NMBR: variants seen among roughly 807,000 people sequenced by gnomAD.
NMBR encodes neuromedin-B receptor.
Under a neutral mutation model 20.5 loss-of-function variants are expected in NMBR, and 16 were observed. That is an observed-to-expected ratio of 0.78 (90% confidence interval 0.53 to 1.19). NMBR has a LOEUF of 1.19. Among genes scored for constraint, NMBR ranks in the 50% most tolerant of loss-of-function variants. The pLI, the probability that NMBR is intolerant of heterozygous loss-of-function variation, is 0.00. For synonymous variants in NMBR, 212 were observed against 196.6 expected, an observed-to-expected ratio of 1.08 and a Z score of -0.65; for missense variants, 582 against 499.1, an observed-to-expected ratio of 1.17 and a Z score of -1.58.
chr6:142,108,575 T>A (rs1238885712), intron 1 of NMBR, among the ~76,000 whole-genome samples: 1 of 152,070 alleles, frequency 6.6e-6, no homozygotes, highest in Admixed American at 6.6e-5. Context: ...AAAAGCCCCT[T>A]ATAAAACCAT....
intron 1 of NMBR, among the ~76,000 whole-genome samples, chr6:142,093,153 TC>T (rs1447756988): frequency 6.6e-6 from 1 of 152,012 alleles, no homozygotes; most frequent in African/African-American, 2.4e-5. Flanking sequence ...GAATTTTTTT[TC>T]TTTTTTTTTA....
intron 1 of NMBR, among the ~76,000 whole-genome samples, chr6:142,102,389 CAAA>C (rs534698007): frequency 5.2e-5 from 4 of 76,456 alleles, no homozygotes; most frequent in Admixed American, 1.6e-4. Flanking sequence ...CACTCTGTCT[CAAA>C]AAAAAAAAAA....
intron 1 of NMBR, among the ~76,000 whole-genome samples, chr6:142,098,817 C>T (rs9496268): frequency 0.64 from 97,845 of 152,044 alleles, 33,345 homozygotes; most frequent in East Asian, 0.87. Flanking sequence ...ATCAGCAAAG[C>T]GATGATAACA....
intron 1 of NMBR, among the ~76,000 whole-genome samples, chr6:142,105,070 G>T (rs1777634974): frequency 6.6e-6 from 1 of 151,874 alleles, no homozygotes; most frequent in Non-Finnish European, 1.5e-5. Flanking sequence ...CCTTCTCAAG[G>T]GTGGAGGGTG....
intron 1 of NMBR, among the ~76,000 whole-genome samples, chr6:142,118,830 G>T (rs1777896541): frequency 6.6e-6 from 1 of 151,946 alleles, no homozygotes; most frequent in African/African-American, 2.4e-5. Context: ...TCAGCATTCA[G>T]AATACAGCAT....
intron 1 of NMBR, among the ~76,000 whole-genome samples, chr6:142,143,066 C>T (rs1212026414): frequency 2.0e-5 from 3 of 151,490 alleles, no homozygotes; most frequent in East Asian, 1.9e-4. Flanking sequence ...GCCTGGGGGA[C>T]GGAACAAGAC....
chr6:142,146,236 G>A (rs770592099), intron 1 of NMBR, among the ~76,000 whole-genome samples: 15 of 152,140 alleles, frequency 9.9e-5, no homozygotes, highest in Non-Finnish European at 1.9e-4. Flanking sequence ...GACATGGAGC[G>A]GTTTCTTCTG....
chr6:142,095,173 G>A (rs1726810533), intron 1 of NMBR, among the ~76,000 whole-genome samples: 1 of 152,006 alleles, frequency 6.6e-6, no homozygotes, highest in Non-Finnish European at 1.5e-5. Context: ...GCCCTGGCCA[G>A]AACTTCCAAC....
intron 1 of NMBR, among the ~76,000 whole-genome samples, chr6:142,099,472 C>T (rs1010988708): frequency 6.6e-5 from 10 of 152,108 alleles, no homozygotes; most frequent in Admixed American, 1.3e-4. Context: ...CACTTTCAAA[C>T]GAGCAGATCT....
At chr6:142,092,949 A>G (rs919338766) in intron 1 of NMBR, among the ~76,000 whole-genome samples, 1 of 152,164 alleles carries the variant, frequency 6.6e-6, no homozygotes, top group Non-Finnish European at 1.5e-5. Flanking sequence ...CTAAGTTCCT[A>G]CCAGCCACAG....
chr6:142,102,811 C>A (rs539139687), intron 1 of NMBR, among the ~76,000 whole-genome samples: 1 of 152,148 alleles, frequency 6.6e-6, no homozygotes, highest in Non-Finnish European at 1.5e-5. Context: ...AGGCTGGCTG[C>A]AAAATTCTTC....
At chr6:142,116,664 C>T (rs1777860905) in intron 1 of NMBR, among the ~76,000 whole-genome samples, 1 of 152,000 alleles carries the variant, frequency 6.6e-6, no homozygotes, top group Non-Finnish European at 1.5e-5. Context: ...CTTTTTGTAT[C>T]ATTTGACAAC....
chr6:142,079,398 A>G (rs1777047145), intron 2 of NMBR, among the ~76,000 whole-genome samples: 1 of 152,192 alleles, frequency 6.6e-6, no homozygotes, highest in African/African-American at 2.4e-5. Context: ...AAAAAGAGAG[A>G]GAAAAATATT....
chr6:142,097,228 G>C (rs1221888501), intron 1 of NMBR, among the ~76,000 whole-genome samples: 5 of 152,000 alleles, frequency 3.3e-5, no homozygotes, highest in Admixed American at 6.6e-5. Flanking sequence ...ATGTTAGCTG[G>C]TGATTTTGCT....
intron 1 of NMBR, among the ~76,000 whole-genome samples, chr6:142,108,252 A>C (rs904357801): frequency 3.3e-5 from 5 of 152,210 alleles, no homozygotes; most frequent in African/African-American, 1.2e-4. Context: ...CAAATAGGAC[A>C]AACACAAAGA....
chr6:142,095,481 C>T (rs931196552), intron 1 of NMBR, among the ~76,000 whole-genome samples: 1 of 152,156 alleles, frequency 6.6e-6, no homozygotes, highest in East Asian at 1.9e-4. Flanking sequence ...GTTGAACCAG[C>T]CTTGCATCCC....
intron 1 of NMBR, among the ~76,000 whole-genome samples, chr6:142,135,697 C>T (rs1450877645): frequency 6.7e-6 from 1 of 150,218 alleles, no homozygotes; most frequent in African/African-American, 2.5e-5. Context: ...TTCTTGTGTC[C>T]ATGTGTTCTC....
At chr6:142,133,166 T>C (rs1778175438) in intron 1 of NMBR, 2 of 684,286 alleles carry the variant, frequency 2.9e-6, no homozygotes, top group South Asian at 3.1e-5. Context: ...GACATGTCTC[T>C]AAATTACATC....
chr6:142,140,293 G>T (rs906889194), intron 1 of NMBR, among the ~76,000 whole-genome samples: 3 of 152,020 alleles, frequency 2.0e-5, no homozygotes, highest in African/African-American at 7.2e-5. Flanking sequence ...AAGTGTAGAA[G>T]TATACTATTA....
Sources: allele counts gnomAD v4.1 joint callset (sites outside exome capture counted in the v4.1 genomes callset), GRCh38; gene constraint gnomAD v4.1.1; transcripts MANE v1.5; gene names NCBI Gene and HGNC (gene_info 2026-07-23, HGNC 2026-07-21).